DRD3: variants seen among roughly 807,000 people sequenced by gnomAD.
DRD3 encodes the protein D(3) dopamine receptor.
A neutral mutation model predicts 36.3 loss-of-function variants in DRD3; 19 were observed. The observed-to-expected ratio is 0.52, with a 90% CI of 0.36 to 0.77. The LOEUF (loss-of-function observed/expected upper bound fraction) is 0.77, where lower values mean the gene tolerates loss of function less well. Among genes scored for constraint, DRD3 ranks in the 30% least tolerant of loss-of-function variants. The probability of loss-of-function intolerance (pLI) is 0.00; values close to 1 mark genes in which losing one functional copy is unlikely to be tolerated. For missense variants in DRD3, 465 were observed against 505.3 expected (o/e 0.92, Z 0.77); for synonymous variants, 195 against 203.7 (o/e 0.96, Z 0.36).
intron 2 of DRD3, among the ~76,000 whole-genome samples, chr3:114,171,380 T>C (rs2077839695): frequency 6.6e-6 from 1 of 152,168 alleles, no homozygotes; most frequent in African/African-American, 2.4e-5. Flanking sequence ...AGAGGTCTTC[T>C]GGACTGCTTC....
intron 2 of DRD3, among the ~76,000 whole-genome samples, chr3:114,168,124 T>A (rs554485083): frequency 1.4e-4 from 22 of 152,374 alleles, no homozygotes; most frequent in Non-Finnish European, 2.9e-4. Flanking sequence ...TAAGCTGTTT[T>A]AAACTTATAA....
intron 5 of DRD3, among the ~76,000 whole-genome samples, chr3:114,138,026 A>T (rs1201283961): frequency 1.6e-5 from 2 of 123,416 alleles, no homozygotes; most frequent in African/African-American, 7.9e-5. Flanking sequence ...AAAATTAGCC[A>T]GATGTGTTGG....
At chr3:114,191,035 C>A (rs1429493357) in intron 1 of DRD3, among the ~76,000 whole-genome samples, 1 of 152,150 alleles carries the variant, frequency 6.6e-6, no homozygotes, top group African/African-American at 2.4e-5. Flanking sequence ...AAGTCTCTGG[C>A]AGTTCAGTGA....
intron 1 of DRD3, among the ~76,000 whole-genome samples, chr3:114,184,599 A>C (rs1013271631): frequency 7.6e-6 from 1 of 130,966 alleles, no homozygotes. Context: ...TCTTGCAGGG[A>C]AAGTCTAGTG....
At chr3:114,132,125 T>C (rs1178130587) in intron 5 of DRD3, among the ~76,000 whole-genome samples, 1 of 152,200 alleles carries the variant, frequency 6.6e-6, no homozygotes, top group Non-Finnish European at 1.5e-5. Flanking sequence ...ACTGCAGCAA[T>C]ATTTACAATA....
intron 6 of DRD3, among the ~76,000 whole-genome samples, chr3:114,130,607 G>A (rs2077420911): frequency 6.6e-6 from 1 of 151,870 alleles, no homozygotes; most frequent in African/African-American, 2.4e-5. Flanking sequence ...TGCATTTTTA[G>A]TAGAGACGGG....
rs568138240 is a variant in DRD3, at chr3:114,131,820, A to T, written c.724-420T>A. ...ACAAACATATAAAAGAAAGCTTGTCATCACTGGTCATTAGAGAAATGCAAT... is the reference window on the plus strand; with the variant it reads ...ACAAACATATAAAAGAAAGCTTGTCTTCACTGGTCATTAGAGAAATGCAAT... On this transcript the variant is annotated intron_variant, in intron 5 of 6. Coordinates refer to ENST00000383673, the MANE Select transcript of DRD3 (RefSeq NM_000796.6). Among the ~76,000 whole-genome samples, 3 of 152,386 alleles carry T rather than the reference A, an allele frequency of 2.0e-5. No individual in the cohort carries two copies. In the East Asian group the frequency reaches 5.8e-4, roughly 29 times the overall value.
At chr3:114,177,651 T>C (rs1319194289) in intron 1 of DRD3, among the ~76,000 whole-genome samples, 1 of 152,206 alleles carries the variant, frequency 6.6e-6, no homozygotes, top group Non-Finnish European at 1.5e-5. Flanking sequence ...TCTGTATGGA[T>C]GCTTTAATAT....
chr3:114,197,277 A>ATTTTTTTTTTTTTTTTTTTTTTTTTT (rs58452737), intron 1 of DRD3, among the ~76,000 whole-genome samples: 1 of 89,368 alleles, frequency 1.1e-5, no homozygotes, highest in Non-Finnish European at 2.1e-5. Flanking sequence ...AATTAAAAAA[A>ATTTTTTTTTTTTTTTTTTTTTTTTTT]TTTTTTTTTT....
rs1359685909 is a variant in DRD3 at position 114,128,012 on chromosome 3, A to G, written c.*704T>C. Among the ~76,000 whole-genome samples, 1 of 152,238 alleles carries G rather than the reference A, an allele frequency of 6.6e-6. No individual in the cohort carries two copies. Among genetic ancestry groups the G allele is most frequent in the Non-Finnish European group, 1.5e-5 (1 of 68,034 alleles). Reference sequence around the variant, plus strand: ...TATCCCCATCTTGAATGATTCTGGAAGTTGAGACTCTGAGATTTCCTCTAG... The same window carrying G: ...TATCCCCATCTTGAATGATTCTGGAGGTTGAGACTCTGAGATTTCCTCTAG... On this transcript the variant is annotated 3_prime_UTR_variant, in exon 7 of 7. Coordinates refer to ENST00000383673, the MANE Select transcript of DRD3 (RefSeq NM_000796.6).
chr3:114,140,933 T>C (rs2077518569), intron 4 of DRD3, among the ~76,000 whole-genome samples: 2 of 152,220 alleles, frequency 1.3e-5, no homozygotes, highest in Admixed American at 1.3e-4. Context: ...CTTGGTCTTC[T>C]GAGGTAGGTG....
Position 114,127,865 on chromosome 3 carries a change from A to C in DRD3, c.*851T>G, listed in dbSNP as rs1343191433. Among the ~76,000 whole-genome samples, 1 of 152,204 alleles carries C rather than the reference A, an allele frequency of 6.6e-6. No homozygotes were observed. The highest frequency in any genetic ancestry group is 2.4e-5 in the African/African-American group (1 of 41,450). On this transcript the variant is annotated 3_prime_UTR_variant, in exon 7 of 7. Transcript: ENST00000383673. ...CTATATTGGGTCCCTGTTAAGCAGA[A>C]ATGGAGATGCCCTGGGTAGGAAAAT...
intron 2 of DRD3, among the ~76,000 whole-genome samples, chr3:114,165,987 ATTTTTTT>A (rs57837932): frequency 8.9e-6 from 1 of 112,392 alleles, no homozygotes; most frequent in African/African-American, 3.4e-5. Context: ...AACAGTTTGT[ATTTTTTT>A]TTTTTTTTTT....
At chr3:114,178,164 C>T (rs2077919236) in intron 1 of DRD3, among the ~76,000 whole-genome samples, 1 of 152,128 alleles carries the variant, frequency 6.6e-6, no homozygotes, top group Non-Finnish European at 1.5e-5. Context: ...ATCTCAAGTA[C>T]TACATATCTC....
At chr3:114,157,721 A>G (rs1559991769) in intron 3 of DRD3, among the ~76,000 whole-genome samples, 1 of 152,222 alleles carries the variant, frequency 6.6e-6, no homozygotes, top group Non-Finnish European at 1.5e-5. Context: ...TTTTTTATTT[A>G]TATCACTTGG....
intron 2 of DRD3, among the ~76,000 whole-genome samples, chr3:114,171,203 A>T (rs185971541): frequency 6.6e-6 from 1 of 152,208 alleles, no homozygotes; most frequent in Non-Finnish European, 1.5e-5. Flanking sequence ...CCCAGGAGGA[A>T]AGAGCAAAGA....
At chr3:114,134,568 C>A (rs1489670591) in intron 5 of DRD3, among the ~76,000 whole-genome samples, 1 of 151,570 alleles carries the variant, frequency 6.6e-6, no homozygotes, top group Non-Finnish European at 1.5e-5. Flanking sequence ...TACAGGCGCC[C>A]ACCATCACAC....
At chr3:114,156,931 C>CTCTTTCTT (rs201006192) in intron 3 of DRD3, among the ~76,000 whole-genome samples, 2 of 139,356 alleles carry the variant, frequency 1.4e-5, no homozygotes, top group East Asian at 4.2e-4. Context: ...TTCCTTCCTT[C>CTCTTTCTT]TCTTTCTTTC....
chr3:114,130,598 G>A (rs532605669), intron 6 of DRD3, among the ~76,000 whole-genome samples: 2 of 151,842 alleles, frequency 1.3e-5, no homozygotes, highest in East Asian at 3.9e-4. Context: ...CTAATTTTTT[G>A]CATTTTTAGT....
Sources: allele counts gnomAD v4.1 joint callset (sites outside exome capture counted in the v4.1 genomes callset), GRCh38; gene constraint gnomAD v4.1.1; transcripts MANE v1.5; gene names NCBI Gene and HGNC (gene_info 2026-07-23, HGNC 2026-07-21).